FAAH2: variants seen among roughly 807,000 people sequenced by gnomAD.
The protein encoded by FAAH2 is fatty-acid amide hydrolase 2.
In FAAH2, 60 loss-of-function variants were observed where a neutral mutation model predicts 36.9. The ratio of observed to expected loss-of-function variants is 1.63; its 90% CI spans 1.32 to 2.02. The LOEUF (loss-of-function observed/expected upper bound fraction) is 2.02. Among genes scored for constraint, FAAH2 ranks in the 30% most tolerant of loss-of-function variants. FAAH2 has a pLI of 0.00. For missense variants in FAAH2, 689 were observed against 397.5 expected (o/e 1.73, Z -6.23); for synonymous variants, 214 against 143.8 (o/e 1.49, Z -3.49).
At chrX:57,466,360 C>A (rs1424410253) in intron 10 of FAAH2, among the ~76,000 whole-genome samples, 1 of 105,420 alleles carries the variant, frequency 9.5e-6, no homozygotes, top group African/African-American at 3.4e-5. Flanking sequence ...AGCCTAACAA[C>A]TCAAAACTAA....
chrX:57,223,984 C>T, the FAAH2 span, among the ~76,000 whole-genome samples: 1 of 111,595 alleles, frequency 9.0e-6, no homozygotes, highest in Non-Finnish European at 1.9e-5. Context: ...GCTCTAAAAA[C>T]TCACCAGTCG....
the FAAH2 span, among the ~76,000 whole-genome samples, chrX:57,232,481 C>T: frequency 8.9e-6 from 1 of 111,921 alleles, no homozygotes; most frequent in South Asian, 3.7e-4. Flanking sequence ...AATTTCAGCT[C>T]TTAAAATTAC....
chrX:57,309,152 C>T (rs895323135), intron 2 of FAAH2, among the ~76,000 whole-genome samples: 1 of 111,853 alleles, frequency 8.9e-6, no homozygotes, highest in African/African-American at 3.2e-5. Context: ...GAATTGCATA[C>T]TTTAGTGATT....
Position 57,296,717 on chromosome X carries a change from A to T in FAAH2, c.275+4137A>T, listed in dbSNP as rs1168493719. Reference sequence around the variant, plus strand: ...TTAAAAAAACTTGAAAAAAGATTAGATGAATGGCTAACTACAATAATCAAG... The same window carrying T: ...TTAAAAAAACTTGAAAAAAGATTAGTTGAATGGCTAACTACAATAATCAAG... On this transcript the variant is annotated intron_variant, in intron 2 of 10. Coordinates refer to ENST00000374900, the MANE Select transcript of FAAH2 (RefSeq NM_174912.4). Among the ~76,000 whole-genome samples the T allele has an allele frequency of 2.7e-5, 3 of 111,515 alleles. 1 individual carries two copies. The East Asian group carries it at 8.4e-4, about 31-fold the overall frequency.
At chrX:57,138,675 A>G in the FAAH2 span, among the ~76,000 whole-genome samples, 1 of 111,360 alleles carries the variant, frequency 9.0e-6, no homozygotes, top group Non-Finnish European at 1.9e-5. Flanking sequence ...TTATATCCCC[A>G]CGAGCAATTT....
chrX:57,166,024 G>T, the FAAH2 span, among the ~76,000 whole-genome samples: 1 of 111,120 alleles, frequency 9.0e-6, no homozygotes, highest in Non-Finnish European at 1.9e-5. Context: ...ACAGGTGGCT[G>T]GTTGTTGAGA....
intron 3 of FAAH2, among the ~76,000 whole-genome samples, chrX:57,322,204 G>A (rs1217456027): frequency 2.7e-5 from 3 of 111,143 alleles, no homozygotes; most frequent in Non-Finnish European, 3.8e-5. Flanking sequence ...GGGTTTCACC[G>A]TGGTCTCGAT....
chrX:57,294,415 C>T (rs1569236022), intron 2 of FAAH2, among the ~76,000 whole-genome samples: 2 of 111,884 alleles, frequency 1.8e-5, no homozygotes, highest in Admixed American at 1.9e-4. Context: ...ATAGTCACTG[C>T]TTTTTTACCT....
In FAAH2 at chrX:57,314,318, TAGAC is replaced by T. The variant is rs1474904583; in HGVS notation, c.412+3593_412+3596del. Among the ~76,000 whole-genome samples, 55 of 111,179 alleles carry T rather than the reference TAGAC, an allele frequency of 4.9e-4. 1 individual carries two copies. Among genetic ancestry groups the T allele is most frequent in the African/African-American group, 1.7e-3 (51 of 30,664 alleles). On this transcript the variant is annotated intron_variant, in intron 3 of 10. Coordinates refer to ENST00000374900, the MANE Select transcript of FAAH2 (RefSeq NM_174912.4). ...GATTTCAAAACCCCACTGACAGTGT[TAGAC>T]AGATCATCGAGGCAGAAAACTAACA...
At chrX:57,448,779 G>A in intron 10 of FAAH2, 61 bp downstream of exon 10, 1 of 1,085,225 alleles carries the variant, frequency 9.2e-7, no homozygotes, top group Non-Finnish European at 1.3e-6. Flanking sequence ...ATGTTTCCAA[G>A]GAAAGCATAA....
intron 10 of FAAH2, among the ~76,000 whole-genome samples, chrX:57,469,313 A>G (rs1219997561): frequency 8.9e-6 from 1 of 111,868 alleles, no homozygotes; most frequent in Non-Finnish European, 1.9e-5. Context: ...CAAATTGGAT[A>G]GAGAGTCAAG....
At chrX:57,366,335 C>T (rs952036234) in intron 5 of FAAH2, among the ~76,000 whole-genome samples, 1 of 112,175 alleles carries the variant, frequency 8.9e-6, no homozygotes, top group Non-Finnish European at 1.9e-5. Context: ...CACTCCTGGG[C>T]TACATGCTCT....
chrX:57,307,380 C>T (rs2052572539), intron 2 of FAAH2, among the ~76,000 whole-genome samples: 2 of 109,851 alleles, frequency 1.8e-5, no homozygotes, highest in East Asian at 2.9e-4. Context: ...AACTGAAATA[C>T]AGAAAGGTTA....
the FAAH2 span, among the ~76,000 whole-genome samples, chrX:57,202,441 A>G: frequency 9.0e-6 from 1 of 111,588 alleles, no homozygotes; most frequent in South Asian, 3.8e-4. Context: ...TACCTGGATA[A>G]CCAAGCTGAG....
At chrX:57,131,346 A>T in the FAAH2 span, among the ~76,000 whole-genome samples, 1 of 109,995 alleles carries the variant, frequency 9.1e-6, no homozygotes, top group African/African-American at 3.3e-5. Context: ...CGGCCTCCCA[A>T]AGTGCTGGGA....
At chrX:57,449,914 C>A (rs2056753785) in intron 10 of FAAH2, among the ~76,000 whole-genome samples, 1 of 111,631 alleles carries the variant, frequency 9.0e-6, no homozygotes, top group South Asian at 3.8e-4. Context: ...TATCTGTCCG[C>A]CTTGGCCTCC....
chrX:57,259,350 C>A, the FAAH2 span, among the ~76,000 whole-genome samples: 1 of 111,313 alleles, frequency 9.0e-6, no homozygotes, highest in Admixed American at 9.6e-5. Context: ...TGGAAAACAC[C>A]CAAATGTCAG....
chrX:57,173,407 AC>A, the FAAH2 span, among the ~76,000 whole-genome samples: 2 of 112,147 alleles, frequency 1.8e-5, no homozygotes, highest in Admixed American at 9.4e-5. Context: ...TAGCAGTGCT[AC>A]TGATTTGTGT....
chrX:57,311,866 G>A (rs759354651), intron 3 of FAAH2, among the ~76,000 whole-genome samples: 54 of 112,110 alleles, frequency 4.8e-4, no homozygotes, highest in African/African-American at 1.7e-3. Flanking sequence ...AGACAGTCAG[G>A]TGCACCCAGG....
Sources: allele counts gnomAD v4.1 joint callset (sites outside exome capture counted in the v4.1 genomes callset), GRCh38; gene constraint gnomAD v4.1.1; transcripts MANE v1.5; gene names NCBI Gene and HGNC (gene_info 2026-07-23, HGNC 2026-07-21).